SLC14A2: variants seen among roughly 807,000 people sequenced by gnomAD.
SLC14A2 encodes the protein solute carrier family 14 member 2.
SLC14A2 carries 91 observed loss-of-function variants against 104.6 expected under a neutral mutation model. The observed-to-expected ratio is 0.87, with a 90% CI of 0.73 to 1.04. SLC14A2 has a LOEUF of 1.04. Among genes scored for constraint, SLC14A2 ranks in the 50% least tolerant of loss-of-function variants. SLC14A2 has a pLI of 0.00. For missense variants in SLC14A2, 1,189 were observed against 1,156.0 expected (o/e 1.03, Z -0.41); for synonymous variants, 476 against 466.4 (o/e 1.02, Z -0.27).
At chr18:45,481,139 A>AG (rs1326939332) in intron 1 of SLC14A2, among the ~76,000 whole-genome samples, 5 of 152,142 alleles carry the variant, frequency 3.3e-5, no homozygotes, top group African/African-American at 9.7e-5. Flanking sequence ...TTCCAGGCTC[A>AG]GGGGAGATGT....
intron 2 of SLC14A2, among the ~76,000 whole-genome samples, chr18:45,526,702 G>A (rs2043597889): frequency 6.6e-6 from 1 of 152,026 alleles, no homozygotes; most frequent in Non-Finnish European, 1.5e-5. Flanking sequence ...TGACTTAGCT[G>A]GAACAGAAAG....
intron 1 of SLC14A2, among the ~76,000 whole-genome samples, chr18:45,414,757 A>AAAAAAAAAATAT (rs1360051908): frequency 1.4e-4 from 11 of 76,100 alleles, no homozygotes; most frequent in African/African-American, 8.5e-4. Flanking sequence ...AAAAAAAAAA[A>AAAAAAAAAATAT]ATATATATAT....
the SLC14A2 span, among the ~76,000 whole-genome samples, chr18:45,169,518 A>G: frequency 2.0e-5 from 3 of 152,194 alleles, no homozygotes; most frequent in African/African-American, 7.2e-5. Context: ...GATTTTGGAT[A>G]AGGCTGTAAT....
At chr18:45,525,132 C>CACACAA (rs997093112) in intron 2 of SLC14A2, among the ~76,000 whole-genome samples, 1 of 6,376 alleles carries the variant, frequency 1.6e-4, no homozygotes, top group African/African-American at 1.7e-4. Flanking sequence ...TGCATATAGA[C>CACACAA]ACACACACAC....
chr18:45,606,770 A>T (rs967139650), intron 2 of SLC14A2, among the ~76,000 whole-genome samples: 5 of 150,088 alleles, frequency 3.3e-5, no homozygotes, highest in Non-Finnish European at 7.4e-5. Flanking sequence ...AAAAAAAAAA[A>T]ACACTGGCTG....
At chr18:45,427,357 A>T (rs1462437787) in intron 1 of SLC14A2, among the ~76,000 whole-genome samples, 9 of 152,020 alleles carry the variant, frequency 5.9e-5, no homozygotes, top group Middle Eastern at 3.2e-3. Context: ...TTTCCATGGG[A>T]CCACACACTT....
intron 2 of SLC14A2, among the ~76,000 whole-genome samples, chr18:45,542,035 GTTTTTT>G (rs60977948): frequency 0.034 from 1,863 of 54,070 alleles, 56 homozygotes; most frequent in East Asian, 0.081. Flanking sequence ...AAGAGAGAGG[GTTTTTT>G]TTTTTTTTTT....
At chr18:45,535,401 A>G (rs1291404842) in intron 2 of SLC14A2, among the ~76,000 whole-genome samples, 1 of 152,216 alleles carries the variant, frequency 6.6e-6, no homozygotes, top group Non-Finnish European at 1.5e-5. Flanking sequence ...AAAGTTAAGG[A>G]ATGAAGGTTC....
At chr18:45,661,904 G>A (rs981024909) in intron 10 of SLC14A2, among the ~76,000 whole-genome samples, 27 of 152,210 alleles carry the variant, frequency 1.8e-4, no homozygotes, top group African/African-American at 6.3e-4. Flanking sequence ...AGTCTTGGGA[G>A]TTACAGCTCA....
In SLC14A2 at chr18:45,667,954, G is replaced by A. The variant is rs755208183; in HGVS notation, c.1839G>A (p.Trp613Ter). Residue 613 changes from tryptophan to a stop codon, truncating the protein, a stop_gained, in exon 14 of 20, where the codon TGG becomes TGA. Transcript: ENST00000255226. LOFTEE classifies it high-confidence loss of function. ...TCGGCCTCTTCATCCAGAACCCCTG[G>A]TGGGCGATCTCAGGCTGCCTGGGTA... ...IILGLFIQNP[W>*]WAISGCLGTI... is the part of the protein sequence containing the mutation. The A allele has an allele frequency of 1.4e-5, 23 of 1,613,984 alleles. No homozygotes were observed. Among genetic ancestry groups the A allele is most frequent in the South Asian group, 5.5e-5 (5 of 91,088 alleles).
intron 1 of SLC14A2, among the ~76,000 whole-genome samples, chr18:45,460,320 C>T (rs1202375017): frequency 6.6e-6 from 1 of 152,186 alleles, no homozygotes; most frequent in Non-Finnish European, 1.5e-5. Context: ...CTACCCACCA[C>T]CACCTCCATG....
intron 1 of SLC14A2, among the ~76,000 whole-genome samples, chr18:45,252,073 T>C (rs896975779): frequency 1.3e-5 from 2 of 152,184 alleles, no homozygotes; most frequent in African/African-American, 4.8e-5. Flanking sequence ...ATTTCTGCAA[T>C]AGAAAGCCCT....
chr18:45,464,383 G>A (rs1350735697), intron 1 of SLC14A2, among the ~76,000 whole-genome samples: 1 of 152,178 alleles, frequency 6.6e-6, no homozygotes, highest in Non-Finnish European at 1.5e-5. Context: ...CTGTGACTCT[G>A]TTTACAGAAC....
At chr18:45,515,932 C>T (rs890748135) in intron 2 of SLC14A2, among the ~76,000 whole-genome samples, 6 of 152,196 alleles carry the variant, frequency 3.9e-5, no homozygotes, top group African/African-American at 1.4e-4. Flanking sequence ...AATACCCAAG[C>T]CATTGTGGTA....
chr18:45,517,230 C>G (rs1346056801), intron 2 of SLC14A2, among the ~76,000 whole-genome samples: 1 of 152,216 alleles, frequency 6.6e-6, no homozygotes, highest in Non-Finnish European at 1.5e-5. Flanking sequence ...GGAAGGCTGC[C>G]TGAGTCAGCA....
At chr18:45,179,536 G>A in the SLC14A2 span, among the ~76,000 whole-genome samples, 1 of 152,152 alleles carries the variant, frequency 6.6e-6, no homozygotes. Context: ...TTGCCACATT[G>A]TAAGAAGAAT....
At chr18:45,267,255 AT>A (rs2084601347) in intron 1 of SLC14A2, among the ~76,000 whole-genome samples, 1 of 152,112 alleles carries the variant, frequency 6.6e-6, no homozygotes, top group Admixed American at 6.5e-5. Context: ...CATGCAGCTG[AT>A]AGGAGATGGA....
At chr18:45,400,987 G>T (rs1454356362) in intron 1 of SLC14A2, among the ~76,000 whole-genome samples, 1 of 152,118 alleles carries the variant, frequency 6.6e-6, no homozygotes. Context: ...CCTTAGCTCT[G>T]TAGTCAGCCA....
At chr18:45,277,942 C>T (rs536653542) in intron 1 of SLC14A2, among the ~76,000 whole-genome samples, 41 of 152,266 alleles carry the variant, frequency 2.7e-4, no homozygotes, top group African/African-American at 8.7e-4. Context: ...AGTAAGTACA[C>T]GCTGCTTTTA....
Sources: allele counts gnomAD v4.1 joint callset (sites outside exome capture counted in the v4.1 genomes callset), GRCh38; gene constraint gnomAD v4.1.1; transcripts MANE v1.5; gene names NCBI Gene and HGNC (gene_info 2026-07-23, HGNC 2026-07-21).